The following DMD variants were observed in gnomAD, a reference collection of about 807,000 sequenced individuals.
The protein encoded by DMD is dystrophin.
In DMD, 63 loss-of-function variants were observed where a neutral mutation model predicts 330.1. That is an observed-to-expected ratio of 0.19 (90% CI 0.16 to 0.24). DMD has a LOEUF of 0.24. Ranked by LOEUF, DMD falls within the 10% of genes least tolerant of loss-of-function variation. The pLI is 1.00. For missense variants in DMD, 3,344 were observed against 2,684.1 expected (o/e 1.25, Z -5.43); for synonymous variants, 1,223 against 959.8 (o/e 1.27, Z -5.07).
chrX:32,576,975 TAAGAG>T (rs1300915816), intron 13 of DMD, among the ~76,000 whole-genome samples: 1 of 111,530 alleles, frequency 9.0e-6, no homozygotes, highest in Non-Finnish European at 1.9e-5. Context: ...TGCCAAATAT[TAAGAG>T]AAGATGTTAC....
intron 62 of DMD, among the ~76,000 whole-genome samples, chrX:31,281,610 C>T (rs2052617368): frequency 9.0e-6 from 1 of 111,543 alleles, no homozygotes; most frequent in Non-Finnish European, 1.9e-5. Context: ...ATCACCAATC[C>T]CTTCCCATGT....
chrX:32,297,259 A>G (rs2097501293), intron 42 of DMD, among the ~76,000 whole-genome samples: 1 of 90,744 alleles, frequency 1.1e-5, no homozygotes, highest in Non-Finnish European at 2.3e-5. Context: ...TTATTTATTT[A>G]TTTATTTATT....
chrX:32,120,667 A>G (rs1420808698), intron 44 of DMD, among the ~76,000 whole-genome samples: 1 of 111,976 alleles, frequency 8.9e-6, no homozygotes, highest in Non-Finnish European at 1.9e-5. Flanking sequence ...TTCCACTCCT[A>G]ACTTCATTTA....
intron 62 of DMD, among the ~76,000 whole-genome samples, chrX:31,314,777 AGAGT>A (rs1466861192): frequency 4.0e-5 from 4 of 99,070 alleles, no homozygotes; most frequent in African/African-American, 1.5e-4. Context: ...AGAGAGAGAG[AGAGT>A]GTTTTACCGT....
chrX:31,665,596 A>G (rs1205692020), intron 53 of DMD, among the ~76,000 whole-genome samples: 1 of 111,865 alleles, frequency 8.9e-6, no homozygotes, highest in East Asian at 2.8e-4. Context: ...TACAGGGCAT[A>G]CTATTTAAGA....
At chrX:32,103,579 C>T (rs1409088264) in intron 44 of DMD, among the ~76,000 whole-genome samples, 1 of 112,104 alleles carries the variant, frequency 8.9e-6, no homozygotes, top group East Asian at 2.8e-4. Context: ...GTAATGACTA[C>T]TGTTTATAAA....
rs73617062 is a variant in DMD at position 31,255,102 on chromosome X, G to T, written c.9286+5853C>A. On this transcript the variant is annotated intron_variant, in intron 63 of 78. Transcript: ENST00000357033. ...CTAAGCAGCATATATTATGTGTGTG[G>T]GGGCAGGGTGAGCTTTTTAAAAAAT... Among the ~76,000 whole-genome samples, 482 of 109,862 alleles carry T rather than the reference G, an allele frequency of 4.4e-3. 6 individuals are homozygous for T. Among genetic ancestry groups the T allele is most frequent in the African/African-American group, 0.015 (461 of 30,256 alleles).
At chrX:32,610,214 A>T (rs1432274603) in intron 12 of DMD, among the ~76,000 whole-genome samples, 1 of 110,617 alleles carries the variant, frequency 9.0e-6, no homozygotes, top group Non-Finnish European at 1.9e-5. Context: ...AGAAAGACTC[A>T]CTCTTGGGTG....
chrX:31,126,538 TAC>T, intron 78 of DMD, 102 bp downstream of exon 78: 2 of 685,106 alleles, frequency 2.9e-6, no homozygotes, highest in Non-Finnish European at 4.8e-6. Flanking sequence ...CAATGTGTAA[TAC>T]ACACATGCGC....
intron 12 of DMD, among the ~76,000 whole-genome samples, chrX:32,613,873 A>G (rs1385744404): frequency 9.0e-6 from 1 of 111,495 alleles, no homozygotes; most frequent in African/African-American, 3.3e-5. Context: ...TAATTTAGGA[A>G]GAATGTACCT....
At chrX:31,144,964 T>C (rs2036514976) in intron 76 of DMD, among the ~76,000 whole-genome samples, 1 of 112,060 alleles carries the variant, frequency 8.9e-6, no homozygotes, top group South Asian at 3.8e-4. Flanking sequence ...TGATCATTTA[T>C]GCCTCATCAG....
At chrX:32,914,387 A>T (rs1255701065) in intron 2 of DMD, among the ~76,000 whole-genome samples, 1 of 112,398 alleles carries the variant, frequency 8.9e-6, no homozygotes, top group Non-Finnish European at 1.9e-5. Flanking sequence ...AGCGACTCAT[A>T]GAAAAGGATT....
At chrX:32,640,837 G>A (rs1421161398) in intron 11 of DMD, among the ~76,000 whole-genome samples, 1 of 110,565 alleles carries the variant, frequency 9.0e-6, no homozygotes, top group Non-Finnish European at 1.9e-5. Flanking sequence ...AAATCTGATG[G>A]CTTTGTCTTG....
At chrX:32,228,153 C>A (rs1354790933) in intron 43 of DMD, among the ~76,000 whole-genome samples, 6 of 111,372 alleles carry the variant, frequency 5.4e-5, no homozygotes, top group African/African-American at 1.6e-4. Flanking sequence ...AGATTCATTT[C>A]TTTACCTATG....
chrX:31,608,982 C>T (rs1292445690), intron 55 of DMD, among the ~76,000 whole-genome samples: 1 of 112,033 alleles, frequency 8.9e-6, no homozygotes, highest in Non-Finnish European at 1.9e-5. Flanking sequence ...TATTGTGGAA[C>T]ATGACAATGA....
At chrX:31,310,264 GAT>G (rs1350967713) in intron 62 of DMD, among the ~76,000 whole-genome samples, 1 of 101,564 alleles carries the variant, frequency 9.8e-6, no homozygotes, top group Non-Finnish European at 2.0e-5. Flanking sequence ...TGTACATATA[GAT>G]ATATGAGTAA....
At chrX:31,562,501 G>A (rs993962848) in intron 55 of DMD, among the ~76,000 whole-genome samples, 1 of 111,892 alleles carries the variant, frequency 8.9e-6, no homozygotes, top group African/African-American at 3.2e-5. Flanking sequence ...AGATAGACAT[G>A]GTGTCTTATT....
chrX:31,851,393 G>A (rs768218658), intron 48 of DMD, among the ~76,000 whole-genome samples: 13 of 112,055 alleles, frequency 1.2e-4, no homozygotes, highest in Non-Finnish European at 1.9e-4. Context: ...GTGAAACTGT[G>A]AAGATATAAT....
At chrX:31,228,256 T>TAAAAAA (rs750444358) in intron 63 of DMD, among the ~76,000 whole-genome samples, 1 of 61,884 alleles carries the variant, frequency 1.6e-5, no homozygotes, top group African/African-American at 5.4e-5. Flanking sequence ...TAAAGTATAA[T>TAAAAAA]AAAAAAAAAA....
Sources: gnomAD v4.1 joint callset for allele counts (sites outside exome capture counted in the v4.1 genomes callset) on GRCh38, gnomAD v4.1.1 for gene constraint, MANE v1.5 for transcripts, NCBI Gene and HGNC (gene_info 2026-07-23, HGNC 2026-07-21) for gene names.